Variants in TMEM267 observed in about 807,000 individuals in gnomAD.
TMEM267 encodes the protein transmembrane protein 267, also known as transmembrane protein C5orf28.
In TMEM267, 20 loss-of-function variants were observed where a neutral mutation model predicts 19.3. The observed-to-expected ratio is 1.04, with a 90% CI of 0.73 to 1.51. TMEM267 has a LOEUF of 1.51. TMEM267 is among the 40% of genes most tolerant of loss of function. The probability of loss-of-function intolerance (pLI) is 0.00; values close to 1 mark genes in which losing one functional copy is unlikely to be tolerated. For synonymous variants in TMEM267, 88 were observed against 90.3 expected, an observed-to-expected ratio of 0.97 and a Z score of 0.15; for missense variants, 242 against 261.9, an observed-to-expected ratio of 0.92 and a Z score of 0.52.
chr5:43,446,386 G>T lies in TMEM267; in HGVS notation c.484C>A (p.Arg162Ser). The T allele has an allele frequency of 6.2e-7, 1 of 1,614,052 alleles. No individual in the cohort carries two copies. Among genetic ancestry groups the T allele is most frequent in the South Asian group, 1.1e-5 (1 of 91,084 alleles). The change falls in exon 3 of 3, where the codon CGT becomes AGT. Residue 162 changes from arginine to serine, a missense_variant. Transcript: ENST00000397080. ...WTSHHIRDGI[R>S]HGLWICPFGK... Reference sequence around the variant, plus strand: ...AATGGGCATATCCACAAACCATGACGAATCCCATCTCGGATATGATGTGAA... The same window carrying T: ...AATGGGCATATCCACAAACCATGACTAATCCCATCTCGGATATGATGTGAA...
At chr5:43,464,821 A>G (rs528405208) in intron 1 of TMEM267, among the ~76,000 whole-genome samples, 15 of 152,372 alleles carry the variant, frequency 9.8e-5, no homozygotes, top group African/African-American at 2.9e-4. Context: ...TGGATTAAAG[A>G]CTTAAGTGTT....
intron 1 of TMEM267, among the ~76,000 whole-genome samples, chr5:43,463,799 G>GTA (rs1378973393): frequency 2.6e-5 from 4 of 152,172 alleles, no homozygotes; most frequent in Non-Finnish European, 4.4e-5. Flanking sequence ...TCGATGGGAT[G>GTA]TATCTCCAAA....
chr5:43,462,132 G>A (rs1743308869), intron 1 of TMEM267, among the ~76,000 whole-genome samples: 1 of 152,330 alleles, frequency 6.6e-6, no homozygotes, highest in Non-Finnish European at 1.5e-5. Flanking sequence ...GAGAACAAGA[G>A]TCCTAGCCTG....
rs1203198110 is a variant in TMEM267, at chr5:43,453,732, T to C, written c.238A>G (p.Ile80Val). Residue 80 changes from isoleucine (I) to valine (V), a missense_variant, in exon 2 of 3, where the codon ATC becomes GTC. Physicochemically the swap from Ile to Val is conservative, Grantham distance 29. Transcript: ENST00000397080. Reference sequence around the variant, plus strand: ...GAGGCTAAAAATCCAGCTAAAATGATTTCTCCAAAGTCAGTCTTCTTCTTG... The same window carrying C: ...GAGGCTAAAAATCCAGCTAAAATGACTTCTCCAAAGTCAGTCTTCTTCTTG... ...GIKKKTDFGE[I>V]ILAGFLASVI... 4 of 1,613,962 alleles carry C rather than the reference T, an allele frequency of 2.5e-6. No homozygotes were observed. Among genetic ancestry groups the C allele is most frequent in the Middle Eastern group, 1.6e-4 (1 of 6,084 alleles).
chr5:43,459,502 CAA>C (rs1561189478), intron 1 of TMEM267, among the ~76,000 whole-genome samples: 1 of 151,666 alleles, frequency 6.6e-6, no homozygotes, highest in East Asian at 1.9e-4. Flanking sequence ...AAAGTCTTCA[CAA>C]TATAGAAAAT....
At chr5:43,458,818 T>C (rs1254373062) in intron 1 of TMEM267, among the ~76,000 whole-genome samples, 1 of 152,070 alleles carries the variant, frequency 6.6e-6, no homozygotes, top group Non-Finnish European at 1.5e-5. Context: ...AAAAACTCAA[T>C]GCAAAGTCTA....
At chr5:43,482,577 T>C (rs1241949117) in intron 1 of TMEM267, among the ~76,000 whole-genome samples, 1 of 152,248 alleles carries the variant, frequency 6.6e-6, no homozygotes, top group African/African-American at 2.4e-5. Flanking sequence ...AGGTATTTAA[T>C]AAATATTCCA....
chr5:43,477,069 G>A (rs1392096028), intron 1 of TMEM267, among the ~76,000 whole-genome samples: 1 of 150,158 alleles, frequency 6.7e-6, no homozygotes, highest in East Asian at 2.0e-4. Context: ...TACACCTGTA[G>A]TCCTAGTTAC....
chr5:43,448,806 ATC>A, intron 2 of TMEM267, among the ~76,000 whole-genome samples: 1 of 151,516 alleles, frequency 6.6e-6, no homozygotes, highest in South Asian at 2.1e-4. Flanking sequence ...AAAAAAAACT[ATC>A]TCTTGAACCC....
At chr5:43,450,498 C>T (rs77747486) in intron 2 of TMEM267, among the ~76,000 whole-genome samples, 15,444 of 152,168 alleles carry the variant, frequency 0.1, 1,043 homozygotes, top group African/African-American at 0.17. Flanking sequence ...CTATGCTGTA[C>T]TTTATGTGCA....
At chr5:43,458,632 G>A (rs6861704) in intron 1 of TMEM267, among the ~76,000 whole-genome samples, 91,022 of 151,988 alleles carry the variant, frequency 0.6, 29,526 homozygotes, top group African/African-American at 0.85. Flanking sequence ...ATGTCAAAAC[G>A]TATCAAACTG....
chr5:43,471,584 T>C (rs1274658669), intron 1 of TMEM267, among the ~76,000 whole-genome samples: 2 of 151,950 alleles, frequency 1.3e-5, no homozygotes, highest in African/African-American at 2.4e-5. Context: ...GGTTCTGACA[T>C]AAAAACAGAC....
At chr5:43,451,683 A>C (rs1488474942) in intron 2 of TMEM267, among the ~76,000 whole-genome samples, 2 of 152,202 alleles carry the variant, frequency 1.3e-5, no homozygotes, top group Non-Finnish European at 2.9e-5. Flanking sequence ...TATGGAAAAC[A>C]ATATGGAGAT....
At chr5:43,465,718 A>G (rs1165166998) in intron 1 of TMEM267, among the ~76,000 whole-genome samples, 2 of 152,054 alleles carry the variant, frequency 1.3e-5, no homozygotes, top group African/African-American at 2.4e-5. Flanking sequence ...AAAACCAAAC[A>G]CTGCACGTTC....
At chr5:43,467,143 T>G (rs1216743381) in intron 1 of TMEM267, among the ~76,000 whole-genome samples, 1 of 106,232 alleles carries the variant, frequency 9.4e-6, no homozygotes, top group Non-Finnish European at 1.8e-5. Context: ...AGAGAGACTC[T>G]GTCAAAAAAA....
chr5:43,469,151 T>C (rs1309488163), intron 1 of TMEM267, among the ~76,000 whole-genome samples: 1 of 151,914 alleles, frequency 6.6e-6, no homozygotes, highest in African/African-American at 2.4e-5. Flanking sequence ...ACAGTGCATC[T>C]TAACTAGAAA....
At chr5:43,455,643 G>T (rs577029764) in intron 1 of TMEM267, among the ~76,000 whole-genome samples, 40 of 152,182 alleles carry the variant, frequency 2.6e-4, no homozygotes, top group African/African-American at 8.7e-4. Flanking sequence ...TGCCTCCTGG[G>T]TTCAAGCAAT....
chr5:43,460,250 G>A (rs775860623), intron 1 of TMEM267, among the ~76,000 whole-genome samples: 4 of 152,066 alleles, frequency 2.6e-5, no homozygotes, highest in Admixed American at 6.6e-5. Context: ...CCTGCTTTGC[G>A]GCCTGGATCC....
upstream of TMEM267, chr5:43,484,242 G>A (rs1469089245): frequency 6.6e-6 from 1 of 152,272 alleles, no homozygotes. Flanking sequence ...CCGAATGCCA[G>A]GCACACAGGC....
Sources: allele counts gnomAD v4.1 joint callset (sites outside exome capture counted in the v4.1 genomes callset), GRCh38; gene constraint gnomAD v4.1.1; transcripts MANE v1.5; gene names NCBI Gene and HGNC (gene_info 2026-07-23, HGNC 2026-07-21).